Variants in G6PC2 observed in about 807,000 individuals in gnomAD.
The protein encoded by G6PC2 is glucose-6-phosphatase 2.
G6PC2 carries 41 observed loss-of-function variants against 35.4 expected under a neutral mutation model. The ratio of observed to expected loss-of-function variants is 1.16; its 90% confidence interval spans 0.90 to 1.50. The LOEUF (loss-of-function observed/expected upper bound fraction) is 1.50. Among genes scored for constraint, G6PC2 ranks in the 40% most tolerant of loss-of-function variants. The pLI is 0.00. For synonymous variants in G6PC2, 165 were observed against 153.2 expected (o/e 1.08, Z -0.57); for missense variants, 441 against 426.5 (o/e 1.03, Z -0.30).
rs140247430 is a variant in G6PC2 at position 168,908,233 on chromosome 2, C to T, written c.*154C>T. ...CCATAGAGATGTTTAGTTTGGCCTT[C>T]GCACTGGTCTTTTTTTTTAATCCTT... On this transcript the variant is annotated 3_prime_UTR_variant, in exon 5 of 5. Transcript: ENST00000375363. 101 of 658,894 alleles carry T rather than the reference C, an allele frequency of 1.5e-4. No individual in the cohort carries two copies. The highest frequency in any genetic ancestry group is 8.2e-4 in the African/African-American group (45 of 55,130). 40.8% of individuals were successfully genotyped at this position (658,894 alleles called of 1,614,324 possible). A position where few individuals can be genotyped will look rare whatever the true frequency, so the allele number is the denominator to read the frequency against.
At chr2:168,901,654 CTT>C (rs1247584522) in intron 1 of G6PC2, 105 bp downstream of exon 1, 1 of 702,482 alleles carries the variant, frequency 1.4e-6, no homozygotes, top group Non-Finnish European at 2.5e-6. Flanking sequence ...CTTGGAAAAT[CTT>C]TCAAAAATAC....
At chr2:168,903,682 T>C (rs1690650143) in intron 2 of G6PC2, among the ~76,000 whole-genome samples, 1 of 152,166 alleles carries the variant, frequency 6.6e-6, no homozygotes, top group African/African-American at 2.4e-5. Flanking sequence ...AAGGCATAGT[T>C]TTTAAAAGGC....
At chr2:168,904,718 A>C in intron 3 of G6PC2, 102 bp downstream of exon 3, 1 of 750,496 alleles carries the variant, frequency 1.3e-6, no homozygotes, top group Non-Finnish European at 2.4e-6. Context: ...TCAATGAATA[A>C]AATGTGCTTA....
Position 168,908,149 on chromosome 2 carries a change from A to G in G6PC2, c.*70A>G. The G allele has an allele frequency of 7.9e-7, 1 of 1,271,618 alleles. No homozygotes were observed. Among genetic ancestry groups the G allele is most frequent in the East Asian group, 2.3e-5 (1 of 43,362 alleles). The allele number at this position is 1,271,618 out of a possible 1,614,324, so 78.8% of individuals were successfully genotyped here. A position where few individuals can be genotyped will look rare whatever the true frequency, so the allele number is the denominator to read the frequency against. ...CCATCCACCAGTAGAGCCACAGAGT[A>G]GGCACAGACCAGAGGCTTCTAATCC... On this transcript the variant is annotated 3_prime_UTR_variant, in exon 5 of 5. Coordinates refer to ENST00000375363, the MANE Select transcript of G6PC2 (RefSeq NM_021176.3).
chr2:168,904,270 G>A (rs2105852696), intron 2 of G6PC2, among the ~76,000 whole-genome samples: 1 of 152,088 alleles, frequency 6.6e-6, no homozygotes, highest in Admixed American at 6.5e-5. Context: ...ATTGATTTCT[G>A]GAATTCAATG....
Position 168,908,243 on chromosome 2 carries a change from T to C in G6PC2, c.*164T>C. ...GTTTAGTTTGGCCTTCGCACTGGTC[T>C]TTTTTTTTAATCCTTCAGTTACCAA... On this transcript the variant is annotated 3_prime_UTR_variant, in exon 5 of 5. Transcript: ENST00000375363. 1.7e-6 allele frequency: 1 copy of C among 600,074 alleles called. No homozygotes were observed. Among genetic ancestry groups the C allele is most frequent in the Non-Finnish European group, 3.0e-6 (1 of 337,624 alleles). 37.2% of individuals were successfully genotyped at this position (600,074 alleles called of 1,614,324 possible). A position where few individuals can be genotyped will look rare whatever the true frequency, so the allele number is the denominator to read the frequency against.
In G6PC2 at chr2:168,909,623, C is replaced by G. The variant is rs1284796030; in HGVS notation, c.*1544C>G. 1 of 152,130 alleles carries G rather than the reference C, an allele frequency of 6.6e-6. No individual in the cohort carries two copies. The highest frequency in any genetic ancestry group is 1.9e-4 in the East Asian group (1 of 5,200). 9.4% of individuals were successfully genotyped at this position (152,130 alleles called of 1,614,324 possible). Reference sequence around the variant, plus strand: ...TAAGTGTGTTTTTTCCTCATTGAATCTAGGAATGCTGGGCTTTAAGTTGAT... The same window carrying G: ...TAAGTGTGTTTTTTCCTCATTGAATGTAGGAATGCTGGGCTTTAAGTTGAT... On this transcript the variant is annotated 3_prime_UTR_variant, in exon 5 of 5. Coordinates refer to ENST00000375363, the MANE Select transcript of G6PC2 (RefSeq NM_021176.3).
chr2:168,902,588 A>T, intron 2 of G6PC2, 34 bp downstream of exon 2: 2 of 854,440 alleles, frequency 2.3e-6, no homozygotes, highest in South Asian at 2.6e-5. Context: ...GTTACTGAAG[A>T]TCTTCCAATA....
At position 168,907,032 on chromosome 2, in the gene G6PC2, T is replaced by A. The variant is rs16856166; in HGVS notation, c.556+253T>A. On this transcript the variant is annotated intron_variant, in intron 4 of 4. Coordinates refer to ENST00000375363, the MANE Select transcript of G6PC2 (RefSeq NM_021176.3). ...TGAGGTAGGCTTTTCTGAAGTGAAA[T>A]TAGAGCTAAGTCTAACTCCCAAACC... Among the ~76,000 whole-genome samples, 795 of 152,244 alleles carry A rather than the reference T, an allele frequency of 5.2e-3. 10 individuals are homozygous for A. The highest frequency in any genetic ancestry group is 0.018 in the African/African-American group (761 of 41,536).
chr2:168,906,175 A>C (rs1690706261), intron 3 of G6PC2, among the ~76,000 whole-genome samples: 1 of 151,774 alleles, frequency 6.6e-6, no homozygotes, highest in South Asian at 2.1e-4. Context: ...CCCAATGAAA[A>C]AATTTGCCCC....
chr2:168,902,289 AC>A (rs910630929), intron 1 of G6PC2, among the ~76,000 whole-genome samples, 155 bp from the exon 2 acceptor site: 2 of 152,236 alleles, frequency 1.3e-5, no homozygotes, highest in African/African-American at 4.8e-5. Flanking sequence ...TGTGTGAGAG[AC>A]CAAGACCTAA....
chr2:168,904,434 C>G, intron 2 of G6PC2, 71 bp from the exon 3 acceptor site: 7 of 812,892 alleles, frequency 8.6e-6, no homozygotes, highest in Non-Finnish European at 1.3e-5. Context: ...GGGGAATATG[C>G]TATTCTATTA....
Position 168,908,371 on chromosome 2 carries a change from A to T in G6PC2, c.*292A>T. On this transcript the variant is annotated 3_prime_UTR_variant, in exon 5 of 5. Coordinates refer to ENST00000375363, the MANE Select transcript of G6PC2 (RefSeq NM_021176.3). ...GAGCCTGCATCCCCAGCTGGAGACA[A>T]CTGACCAGAGCTGCATACTAACAGT... The T allele has an allele frequency of 2.1e-6, 1 of 482,572 alleles. No individual in the cohort carries two copies. Among genetic ancestry groups the T allele is most frequent in the South Asian group, 2.1e-5 (1 of 46,964 alleles). 29.9% of individuals were successfully genotyped at this position (482,572 alleles called of 1,614,324 possible). A position where few individuals can be genotyped will look rare whatever the true frequency, so the allele number is the denominator to read the frequency against.
At position 168,901,330 on chromosome 2, in the gene G6PC2, A is replaced by G. The variant is rs1230717806; in HGVS notation, c.-2A>G. ...TATGTTTAGAATTGCCTCTTTTTCA[A>G]GATGGATTTCCTTCACAGGAATGGA... On this transcript the variant is annotated 5_prime_UTR_variant, in exon 1 of 5. Transcript: ENST00000375363. 3 of 1,541,834 alleles carry G rather than the reference A, an allele frequency of 1.9e-6. No individual in the cohort carries two copies. The highest frequency in any genetic ancestry group is 2.7e-6 in the Non-Finnish European group (3 of 1,114,026).
intron 2 of G6PC2, 110 bp from the exon 3 acceptor site, chr2:168,904,394 CT>C (rs1168221562): frequency 5.1e-5 from 40 of 777,676 alleles, no homozygotes; most frequent in South Asian, 4.0e-4. Context: ...TGTGTCTTGT[CT>C]TTTTTTCTGA....
At position 168,907,445 on chromosome 2, in the gene G6PC2, G is replaced by T. The variant is rs116732784; in HGVS notation, c.557-123G>T. 450 of 990,886 alleles carry T rather than the reference G, an allele frequency of 4.5e-4. 3 individuals are homozygous for T. In the African/African-American group the frequency reaches 6.7e-3, roughly 15 times the overall value. 61.4% of individuals were successfully genotyped at this position (990,886 alleles called of 1,614,324 possible). A position where few individuals can be genotyped will look rare whatever the true frequency, so the allele number is the denominator to read the frequency against. On this transcript the variant is annotated intron_variant, in intron 4 of 4. Transcript: ENST00000375363. ...TAAAAAAGGCTTTGGAAAATGGATA[G>T]AACCTCTGTGTCTAATGCCCTTTGT...
intron 2 of G6PC2, chr2:168,903,015 A>G: frequency 5.1e-6 from 1 of 197,728 alleles, no homozygotes; most frequent in Non-Finnish European, 1.0e-5. Flanking sequence ...CAATGTTACT[A>G]TAGCCAGTAA....
rs371639677 is a variant in G6PC2 at position 168,907,697 on chromosome 2, A to T, written c.686A>T (p.Asn229Ile). 3.1e-6 allele frequency: 5 copies of T among 1,613,934 alleles called. No individual in the cohort carries two copies. The highest frequency in any genetic ancestry group is 3.4e-6 in the Non-Finnish European group (4 of 1,179,982). ...TTTTACCTGCTTCTTAGGGTGCTCA[A>T]CATTGACCTGCTGTGGTCCGTGCCC... ...VGFYLLLRVL[N>I]IDLLWSVPIA... is the part of the protein sequence containing the mutation. Residue 229 changes from asparagine to isoleucine, a missense_variant, in exon 5 of 5, where the codon AAC (asparagine) becomes ATC (isoleucine). Physicochemically the swap from Asn to Ile is moderately radical, Grantham distance 149. Coordinates refer to ENST00000375363, the MANE Select transcript of G6PC2 (RefSeq NM_021176.3).
At chr2:168,905,879 T>C (rs893502781) in intron 3 of G6PC2, among the ~76,000 whole-genome samples, 2 of 152,080 alleles carry the variant, frequency 1.3e-5, no homozygotes, top group African/African-American at 4.8e-5. Context: ...AGCATTTATA[T>C]AACCAAATTT....
Sources: allele counts gnomAD v4.1 joint callset (sites outside exome capture counted in the v4.1 genomes callset), GRCh38; gene constraint gnomAD v4.1.1; transcripts MANE v1.5; gene names NCBI Gene and HGNC (gene_info 2026-07-23, HGNC 2026-07-21).